CPE: variants seen among roughly 807,000 people sequenced by gnomAD.
CPE encodes the protein carboxypeptidase E.
Under a neutral mutation model 53.5 loss-of-function variants are expected in CPE, and 17 were observed. The observed-to-expected ratio is 0.32, with a 90% CI of 0.22 to 0.48. The LOEUF (loss-of-function observed/expected upper bound fraction) is 0.48, where lower values mean the gene tolerates loss of function less well. Ranked by LOEUF, CPE falls within the 20% of genes least tolerant of loss-of-function variation. CPE has a pLI of 0.99. For synonymous variants in CPE, 226 were observed against 228.8 expected (o/e 0.99, Z 0.11); for missense variants, 524 against 614.7 (o/e 0.85, Z 1.56).
chr4:165,489,176 C>T (rs1732558471), intron 6 of CPE, among the ~76,000 whole-genome samples: 1 of 152,164 alleles, frequency 6.6e-6, no homozygotes, highest in Non-Finnish European at 1.5e-5. Context: ...GCAAAGTTAA[C>T]TGAAAAGTAT....
intron 1 of CPE, among the ~76,000 whole-genome samples, chr4:165,442,184 A>G (rs111555887): frequency 2.2e-3 from 338 of 151,906 alleles, no homozygotes; most frequent in African/African-American, 8.0e-3. Context: ...CTGGGACTAC[A>G]GGTGGATGCT....
rs1732736670 is a variant in CPE at position 165,498,134 on chromosome 4, A to G, written c.*524A>G. ...TTGTTAATGCATTTTTGATGGGAAG[A>G]AAAGGTACATGTTTACAAAGAGGTT... On this transcript the variant is annotated 3_prime_UTR_variant, in exon 9 of 9. Transcript: ENST00000402744. The G allele has an allele frequency of 1.3e-5, 2 of 152,210 alleles. No homozygotes were observed. The highest frequency in any genetic ancestry group is 2.9e-5 in the Non-Finnish European group (2 of 68,030). 9.4% of individuals were successfully genotyped at this position (152,210 alleles called of 1,614,324 possible).
At chr4:165,396,394 A>G (rs1730766876) in intron 1 of CPE, among the ~76,000 whole-genome samples, 1 of 152,204 alleles carries the variant, frequency 6.6e-6, no homozygotes, top group South Asian at 2.1e-4. Context: ...ATGGTGGCTC[A>G]CACCTGTAAT....
At chr4:165,394,561 A>G (rs2126657426) in intron 1 of CPE, among the ~76,000 whole-genome samples, 1 of 152,228 alleles carries the variant, frequency 6.6e-6, no homozygotes, top group East Asian at 1.9e-4. Context: ...ATAAATAACT[A>G]AAAATGGGTG....
At chr4:165,477,264 G>C (rs1025360148) in intron 3 of CPE, among the ~76,000 whole-genome samples, 1 of 152,128 alleles carries the variant, frequency 6.6e-6, no homozygotes, top group African/African-American at 2.4e-5. Context: ...TTTAAAAGAG[G>C]CATGTTCATG....
intron 1 of CPE, among the ~76,000 whole-genome samples, chr4:165,415,555 T>C (rs556038235): frequency 4.8e-4 from 73 of 152,292 alleles, no homozygotes; most frequent in African/African-American, 1.7e-3. Context: ...TATTATATAT[T>C]CCATGTCTTC....
At chr4:165,460,170 G>A (rs372004973) in intron 1 of CPE, among the ~76,000 whole-genome samples, 13 of 151,928 alleles carry the variant, frequency 8.6e-5, no homozygotes, top group Non-Finnish European at 1.8e-4. Flanking sequence ...GAAGGCAAAC[G>A]TCATCCATTT....
intron 3 of CPE, among the ~76,000 whole-genome samples, chr4:165,474,025 A>G (rs1356143150): frequency 6.6e-6 from 1 of 152,182 alleles, no homozygotes; most frequent in Admixed American, 6.5e-5. Flanking sequence ...GCTTCCTCTC[A>G]TTTGTCCCAT....
chr4:165,460,507 A>G (rs991349939), intron 1 of CPE, among the ~76,000 whole-genome samples: 2 of 152,126 alleles, frequency 1.3e-5, no homozygotes, highest in African/African-American at 4.8e-5. Flanking sequence ...GAATGGCTAG[A>G]GCCTGTTGGC....
intron 1 of CPE, among the ~76,000 whole-genome samples, chr4:165,439,318 A>G (rs947294509): frequency 5.3e-5 from 8 of 152,174 alleles, no homozygotes; most frequent in Non-Finnish European, 8.8e-5. Flanking sequence ...CAGCAAAAAG[A>G]TCACGTGAAA....
intron 1 of CPE, among the ~76,000 whole-genome samples, chr4:165,382,069 A>G (rs1219074758): frequency 1.3e-5 from 2 of 152,250 alleles, no homozygotes; most frequent in Non-Finnish European, 2.9e-5. Flanking sequence ...TGAGGCTGCA[A>G]GATCGGCTTT....
At chr4:165,476,166 A>T (rs1239991817) in intron 3 of CPE, among the ~76,000 whole-genome samples, 1 of 152,178 alleles carries the variant, frequency 6.6e-6, no homozygotes. Flanking sequence ...AAGTGTATTA[A>T]AAAGCTTTAG....
intron 2 of CPE, among the ~76,000 whole-genome samples, chr4:165,466,799 A>G (rs1307877946): frequency 1.3e-5 from 2 of 152,190 alleles, no homozygotes. Flanking sequence ...TACAGGCGTG[A>G]GCCACTGCAC....
At chr4:165,495,385 T>C (rs1732688673) in intron 7 of CPE, among the ~76,000 whole-genome samples, 174 bp from the exon 8 acceptor site, 1 of 152,212 alleles carries the variant, frequency 6.6e-6, no homozygotes, top group South Asian at 2.1e-4. Context: ...TAAAGAGAGT[T>C]TCACACCCTA....
At chr4:165,402,225 C>T (rs1730880447) in intron 1 of CPE, among the ~76,000 whole-genome samples, 2 of 152,188 alleles carry the variant, frequency 1.3e-5, no homozygotes, top group Non-Finnish European at 2.9e-5. Context: ...GCCTGATTCT[C>T]TCAGAGTTTG....
At chr4:165,420,211 T>A (rs1453902909) in intron 1 of CPE, among the ~76,000 whole-genome samples, 1 of 152,166 alleles carries the variant, frequency 6.6e-6, no homozygotes, top group East Asian at 1.9e-4. Context: ...TATCACTTAA[T>A]AAACATTCTC....
chr4:165,485,295 T>C (rs991894874), intron 5 of CPE, among the ~76,000 whole-genome samples: 2 of 152,304 alleles, frequency 1.3e-5, no homozygotes, highest in Middle Eastern at 3.4e-3. Context: ...TTTATATATA[T>C]TTTTACTTTT....
At chr4:165,417,540 A>G (rs1407582905) in intron 1 of CPE, among the ~76,000 whole-genome samples, 1 of 140,502 alleles carries the variant, frequency 7.1e-6, no homozygotes, top group Non-Finnish European at 1.5e-5. Flanking sequence ...TTCATTCCAC[A>G]AATATTTATT....
intron 1 of CPE, among the ~76,000 whole-genome samples, chr4:165,421,655 T>C (rs942960261): frequency 2.2e-5 from 3 of 136,784 alleles, no homozygotes; most frequent in Admixed American, 2.1e-4. Context: ...GTTGTAGTTA[T>C]AGAATTCTTA....
Sources: gnomAD v4.1 joint callset for allele counts (sites outside exome capture counted in the v4.1 genomes callset) on GRCh38, gnomAD v4.1.1 for gene constraint, MANE v1.5 for transcripts, NCBI Gene and HGNC (gene_info 2026-07-23, HGNC 2026-07-21) for gene names.